Variants in SNCAIP observed in about 807,000 individuals in gnomAD.
The protein encoded by SNCAIP is synphilin-1.
A neutral mutation model predicts 86.7 loss-of-function variants in SNCAIP; 43 were observed. The ratio of observed to expected loss-of-function variants is 0.50; its 90% CI spans 0.39 to 0.64. The LOEUF (loss-of-function observed/expected upper bound fraction) is 0.64. Among genes scored for constraint, SNCAIP ranks in the 30% least tolerant of loss-of-function variants. The pLI is 0.00. For missense variants in SNCAIP, 981 were observed against 1,103.1 expected (o/e 0.89, Z 1.57); for synonymous variants, 417 against 427.2 (o/e 0.98, Z 0.29).
intron 1 of SNCAIP, among the ~76,000 whole-genome samples, chr5:122,349,519 AT>A (rs1356300657): frequency 2.6e-5 from 4 of 152,206 alleles, no homozygotes; most frequent in African/African-American, 9.6e-5. Context: ...CCTTATATAA[AT>A]CAACTTTTAA....
intron 8 of SNCAIP, among the ~76,000 whole-genome samples, chr5:122,446,268 C>T (rs568442742): frequency 6.6e-6 from 1 of 152,336 alleles, no homozygotes; most frequent in Admixed American, 6.5e-5. Context: ...GTTAACTAAT[C>T]TTTCCAAAAA....
chr5:122,320,372 C>G (rs938626853), intron 1 of SNCAIP, among the ~76,000 whole-genome samples: 2 of 152,150 alleles, frequency 1.3e-5, no homozygotes, highest in African/African-American at 4.8e-5. Flanking sequence ...TTTATTGAGG[C>G]CTGTATTCTG....
chr5:122,427,652 ATTTTGTTT>A (rs2152934971), intron 5 of SNCAIP, among the ~76,000 whole-genome samples: 1 of 152,260 alleles, frequency 6.6e-6, no homozygotes, highest in South Asian at 2.1e-4. Flanking sequence ...AAGAGTCACC[ATTTTGTTT>A]TAGGACCTTG....
intron 7 of SNCAIP, among the ~76,000 whole-genome samples, chr5:122,442,593 T>G (rs1281361583): frequency 6.6e-6 from 1 of 151,066 alleles, no homozygotes; most frequent in Non-Finnish European, 1.5e-5. Context: ...AGGAGTAGCA[T>G]TTTTTTGTAA....
chr5:122,343,388 T>C (rs1253319244), intron 1 of SNCAIP, among the ~76,000 whole-genome samples: 1 of 151,594 alleles, frequency 6.6e-6, no homozygotes, highest in Non-Finnish European at 1.5e-5. Flanking sequence ...ATTTTAATAA[T>C]TAGAACTGGA....
At chr5:122,441,494 C>G (rs1780910056) in intron 7 of SNCAIP, among the ~76,000 whole-genome samples, 1 of 152,128 alleles carries the variant, frequency 6.6e-6, no homozygotes, top group South Asian at 2.1e-4. Context: ...GAGTCTCGAC[C>G]CCCTGCCCCA....
chr5:122,438,046 C>A (rs1182312415), intron 6 of SNCAIP, among the ~76,000 whole-genome samples: 1 of 152,142 alleles, frequency 6.6e-6, no homozygotes, highest in Non-Finnish European at 1.5e-5. Flanking sequence ...GGAATTACAT[C>A]CAACAAGAAG....
chr5:122,397,162 G>T (rs537459376), intron 2 of SNCAIP, among the ~76,000 whole-genome samples: 3 of 152,042 alleles, frequency 2.0e-5, no homozygotes, highest in Non-Finnish European at 4.4e-5. Flanking sequence ...GCTAGAAAAT[G>T]GTGAAGTCAG....
At chr5:122,391,346 G>A (rs948737535) in intron 2 of SNCAIP, among the ~76,000 whole-genome samples, 155 bp downstream of exon 2, 1 of 152,142 alleles carries the variant, frequency 6.6e-6, no homozygotes, top group African/African-American at 2.4e-5. Context: ...GTGTGGTTTG[G>A]GGGGATCTCT....
At chr5:122,438,714 C>T (rs1018947202) in intron 6 of SNCAIP, among the ~76,000 whole-genome samples, 3 of 152,170 alleles carry the variant, frequency 2.0e-5, no homozygotes, top group African/African-American at 4.8e-5. Context: ...CACATGAGGA[C>T]TTGCTGTATA....
At chr5:122,443,168 GA>G (rs1781450273) in intron 7 of SNCAIP, among the ~76,000 whole-genome samples, 2 of 152,122 alleles carry the variant, frequency 1.3e-5, no homozygotes, top group Non-Finnish European at 2.9e-5. Flanking sequence ...AAACCAAAAG[GA>G]AAACGAAGCT....
At chr5:122,403,955 C>T in intron 3 of SNCAIP, 90 bp downstream of exon 3, 1 of 955,770 alleles carries the variant, frequency 1.0e-6, no homozygotes, top group Non-Finnish European at 1.7e-6. Context: ...GTCCCCCCTG[C>T]TTTCAGTTTT....
At chr5:122,406,495 A>G (rs1773025863) in intron 3 of SNCAIP, among the ~76,000 whole-genome samples, 1 of 152,168 alleles carries the variant, frequency 6.6e-6, no homozygotes, top group African/African-American at 2.4e-5. Flanking sequence ...CTCATGTTGA[A>G]TGGTAAACCC....
At chr5:122,385,455 T>G (rs79029198) in intron 1 of SNCAIP, among the ~76,000 whole-genome samples, 9,167 of 152,220 alleles carry the variant, frequency 0.06, 395 homozygotes, top group Non-Finnish European at 0.089. Context: ...AATCAAAGAG[T>G]GAAAGAAACC....
chr5:122,411,634 T>C (rs1774148214), intron 3 of SNCAIP, among the ~76,000 whole-genome samples: 1 of 151,862 alleles, frequency 6.6e-6, no homozygotes, highest in South Asian at 2.1e-4. Flanking sequence ...AGTTGAAGGG[T>C]CCTCTTGCAT....
rs1018650131 is a variant in SNCAIP at position 122,418,166 on chromosome 5, G to A, written c.131-4702G>A. Among the ~76,000 whole-genome samples, 5 of 152,320 alleles carry A rather than the reference G, an allele frequency of 3.3e-5. No homozygotes were observed. In the East Asian group the frequency reaches 9.6e-4, roughly 29 times the overall value. Reference sequence around the variant, plus strand: ...AAAGGATGAATTTAGCAGTGGAGCTGCAGGGAAAAATTAGTGATTTGGGAA... The same window carrying A: ...AAAGGATGAATTTAGCAGTGGAGCTACAGGGAAAAATTAGTGATTTGGGAA... On this transcript the variant is annotated intron_variant, in intron 3 of 10. Coordinates refer to ENST00000261368, the MANE Select transcript of SNCAIP (RefSeq NM_005460.4).
At chr5:122,314,375 C>A (rs1751274068) in intron 1 of SNCAIP, among the ~76,000 whole-genome samples, 1 of 152,186 alleles carries the variant, frequency 6.6e-6, no homozygotes, top group Admixed American at 6.5e-5. Flanking sequence ...ATAGGAAACA[C>A]AAGGGAATTT....
At chr5:122,394,328 G>A (rs1209937615) in intron 2 of SNCAIP, among the ~76,000 whole-genome samples, 1 of 152,074 alleles carries the variant, frequency 6.6e-6, no homozygotes, top group Non-Finnish European at 1.5e-5. Context: ...TAATTAAAAC[G>A]TAAGCTGTAT....
At chr5:122,326,725 T>C (rs1754163924) in intron 1 of SNCAIP, among the ~76,000 whole-genome samples, 1 of 150,286 alleles carries the variant, frequency 6.7e-6, no homozygotes, top group Non-Finnish European at 1.5e-5. Context: ...TTGTCCCTTC[T>C]GTGTAAGGAG....
Sources: gnomAD v4.1 joint callset for allele counts (sites outside exome capture counted in the v4.1 genomes callset) on GRCh38, gnomAD v4.1.1 for gene constraint, MANE v1.5 for transcripts, NCBI Gene and HGNC (gene_info 2026-07-23, HGNC 2026-07-21) for gene names.